The following DSG1 variants were observed in gnomAD, a reference collection of about 807,000 sequenced individuals.
The protein encoded by DSG1 is desmoglein 1.
A neutral mutation model predicts 97.5 loss-of-function variants in DSG1; 39 were observed. The ratio of observed to expected loss-of-function variants is 0.40; its 90% CI spans 0.31 to 0.52. The LOEUF (loss-of-function observed/expected upper bound fraction) is 0.52. DSG1 is among the 20% of genes least tolerant of loss of function. The pLI is 0.53. For synonymous variants in DSG1, 475 were observed against 443.4 expected (o/e 1.07, Z -0.90); for missense variants, 1,311 against 1,295.4 (o/e 1.01, Z -0.18).
intron 14 of DSG1, among the ~76,000 whole-genome samples, chr18:31,352,408 T>C (rs1438333796): frequency 8.6e-5 from 13 of 150,646 alleles, no homozygotes; most frequent in Admixed American, 8.5e-4. Context: ...TAACATTTTT[T>C]CCTTCATTTC....
intron 1 of DSG1, among the ~76,000 whole-genome samples, chr18:31,318,591 T>C (rs976166220): frequency 6.6e-6 from 1 of 152,190 alleles, no homozygotes; most frequent in Non-Finnish European, 1.5e-5. Flanking sequence ...AAGTCATTGC[T>C]AAGTCATGCT....
rs747026912 is a variant in DSG1 at position 31,354,419 on chromosome 18, A to G, written c.2223A>G (p.Glu741=). ...GSVGCCSFIG[E]DLDDSFLDTL... is the part of the protein sequence containing the mutation. ...TGGGTTGTTGTAGCTTCATTGGAGA[A>G]GACCTGGATGACAGCTTCTTGGATA... Residue 741 remains glutamate, a synonymous_variant, in exon 15 of 15, where the codon GAA becomes GAG. Transcript: ENST00000257192. 2.5e-6 allele frequency: 4 copies of G among 1,614,204 alleles called. No homozygotes were observed. Among genetic ancestry groups the G allele is most frequent in the Non-Finnish European group, 3.4e-6 (4 of 1,180,032 alleles).
chr18:31,356,167 AG>A lies in DSG1; in HGVS notation c.*822del, dbSNP rs1317721620. ...CCTTTACCACTGTGGTTTTGACTTA[AG>A]AAAGCAAAACTCACTAAGTTTACTT... On this transcript the variant is annotated 3_prime_UTR_variant, in exon 15 of 15. Coordinates refer to ENST00000257192, the MANE Select transcript of DSG1 (RefSeq NM_001942.4). 7 of 152,124 alleles carry A rather than the reference AG, an allele frequency of 4.6e-5. No homozygotes were observed. Among genetic ancestry groups the A allele is most frequent in the African/African-American group, 1.7e-4 (7 of 41,432 alleles). 9.4% of individuals were successfully genotyped at this position (152,124 alleles called of 1,614,324 possible).
Position 31,345,972 on chromosome 18 carries a change from T to C in DSG1, c.1892-18T>C. The C allele has an allele frequency of 6.2e-7, 1 of 1,604,246 alleles. No homozygotes were observed. Among genetic ancestry groups the C allele is most frequent in the Non-Finnish European group, 8.5e-7 (1 of 1,172,162 alleles). On this transcript the variant is annotated intron_variant, in intron 13 of 14. Coordinates refer to ENST00000257192, the MANE Select transcript of DSG1 (RefSeq NM_001942.4). ...GATAGACTAAAGAAAATAAATTTAATTTGATCAACACTTTTAGGAGTTTAT... is the reference window on the plus strand; with the variant it reads ...GATAGACTAAAGAAAATAAATTTAACTTGATCAACACTTTTAGGAGTTTAT...
Position 31,329,919 on chromosome 18 carries a change from G to A in DSG1, c.400G>A (p.Gly134Ser). 1 of 1,613,100 alleles carries A rather than the reference G, an allele frequency of 6.2e-7. No individual in the cohort carries two copies. Among genetic ancestry groups the A allele is most frequent in the East Asian group, 2.2e-5 (1 of 44,858 alleles). ...CTACTGCCGAGCTCTGAACTCAATG[G>A]GCCAAGATTTAGAGAGGCCTCTAGA... ...IIYCRALNSM[G>S]QDLERPLELR... The change falls in exon 5 of 15, where the codon GGC becomes AGC. Residue 134 changes from glycine (G) to serine (S), a missense_variant. This residue lies in a region of DSG1 where 259 missense variants were observed against 304.1 expected (regional missense o/e 0.85). Transcript: ENST00000257192.
Position 31,328,787 on chromosome 18 carries a change from T to C in DSG1, c.372+443T>C, listed in dbSNP as rs761687868. ...AGGTCTAATGACAAGTAAATGATTC[T>C]AGAGCTACTGCAGGACTGTTTTCTG... On this transcript the variant is annotated intron_variant, in intron 4 of 14. Coordinates refer to ENST00000257192, the MANE Select transcript of DSG1 (RefSeq NM_001942.4). 7.9e-5 allele frequency among the ~76,000 whole-genome samples: 12 copies of C among 152,240 alleles called. No individual in the cohort carries two copies. The South Asian group carries it at 1.2e-3, about 16-fold the overall frequency.
chr18:31,321,012 A>G (rs960023489), intron 1 of DSG1, among the ~76,000 whole-genome samples: 2 of 152,142 alleles, frequency 1.3e-5, no homozygotes, highest in Admixed American at 6.6e-5. Context: ...AATGACTTTT[A>G]TCTATGACCA....
At chr18:31,319,150 G>A (rs1251700974) in intron 1 of DSG1, among the ~76,000 whole-genome samples, 1 of 152,162 alleles carries the variant, frequency 6.6e-6, no homozygotes, top group Admixed American at 6.5e-5. Context: ...TTGCTGTAGA[G>A]ATAATACTAA....
At chr18:31,350,229 G>C (rs1214507345) in intron 14 of DSG1, among the ~76,000 whole-genome samples, 1 of 134,010 alleles carries the variant, frequency 7.5e-6, no homozygotes, top group African/African-American at 3.0e-5. Flanking sequence ...AGATAATCAT[G>C]TGGTTTTTGT....
At chr18:31,333,811 A>G in intron 7 of DSG1, 88 bp downstream of exon 7, 1 of 1,506,078 alleles carries the variant, frequency 6.6e-7, no homozygotes, top group South Asian at 1.1e-5. Context: ...GGCACATGTT[A>G]TGTTTATTGA....
At chr18:31,322,210 C>T (rs2071658342) in intron 1 of DSG1, among the ~76,000 whole-genome samples, 1 of 152,196 alleles carries the variant, frequency 6.6e-6, no homozygotes, top group Non-Finnish European at 1.5e-5. Context: ...GGTTCTGTGT[C>T]TGATTTGCCT....
At position 31,333,658 on chromosome 18, in the gene DSG1, G is replaced by A. The variant is rs2071734138; in HGVS notation, c.754G>A (p.Glu252Lys). 1.2e-6 allele frequency: 2 copies of A among 1,613,922 alleles called. No individual in the cohort carries two copies. The highest frequency in any genetic ancestry group is 2.2e-5 in the East Asian group (1 of 44,874). Residue 252 changes from glutamate (E) to lysine (K), a missense_variant, in exon 7 of 15, where the codon GAA becomes AAA. By Grantham distance (56) the Glu-to-Lys change is moderately conservative. This residue lies in a region of DSG1 where 14 missense variants were observed against 26.7 expected (regional missense o/e 0.52). Coordinates refer to ENST00000257192, the MANE Select transcript of DSG1 (RefSeq NM_001942.4). ...TGGCGGGGCAGATGGCATGTCAGCG[G>A]AATGTGAGTGCAACATTAAAATCCT... is the stretch of plus-strand genomic sequence containing the variant. ...RDGGADGMSA[E>K]CECNIKILDV...
chr18:31,331,727 A>G lies in DSG1; in HGVS notation c.544A>G (p.Thr182Ala), dbSNP rs763320707. The G allele has an allele frequency of 6.2e-7, 1 of 1,612,750 alleles. No homozygotes were observed. The highest frequency in any genetic ancestry group is 8.5e-7 in the Non-Finnish European group (1 of 1,179,098). Residue 182 changes from threonine to alanine, a missense_variant, in exon 6 of 15, where the codon ACT becomes GCT. Transcript: ENST00000257192. ...TACACTGGTGATGATACTCAATGCT[A>G]CTGACGCAGATGAACCGAACAATTT... Reference protein sequence around the residue: ...ANTLVMILNATDADEPNNLNS... With the variant: ...ANTLVMILNAADADEPNNLNS...
At chr18:31,324,045 G>T (rs143674791) in intron 1 of DSG1, among the ~76,000 whole-genome samples, 1,450 of 124,090 alleles carry the variant, frequency 0.012, 9 homozygotes, top group Middle Eastern at 0.02. Flanking sequence ...GTGCAGTGGT[G>T]CAATCTCGGC....
chr18:31,347,660 T>C (rs2071851890), intron 14 of DSG1: 1 of 152,238 alleles, frequency 6.6e-6, no homozygotes, highest in Non-Finnish European at 1.5e-5. Context: ...AGTGTATATG[T>C]CTTTGGGCTT....
chr18:31,355,354 C>T lies in DSG1; in HGVS notation c.*8C>T. 1.9e-6 allele frequency: 3 copies of T among 1,613,226 alleles called. No individual in the cohort carries two copies. Among genetic ancestry groups the T allele is most frequent in the East Asian group, 2.2e-5 (1 of 44,856 alleles). On this transcript the variant is annotated 3_prime_UTR_variant, in exon 15 of 15. Transcript: ENST00000257192. ...GTGCAATATAGCAAGTAGTCAGGAC[C>T]CCAGCTCACTTTTTCATAGTCATTG...
Position 31,318,242 on chromosome 18 carries a change from A to C in DSG1, c.-59A>C. 1.4e-6 allele frequency: 2 copies of C among 1,444,252 alleles called. No homozygotes were observed. Among genetic ancestry groups the C allele is most frequent in the African/African-American group, 2.8e-5 (2 of 71,604 alleles). 89.5% of individuals were successfully genotyped at this position (1,444,252 alleles called of 1,614,324 possible). On this transcript the variant is annotated 5_prime_UTR_variant, in exon 1 of 15. Transcript: ENST00000257192. Reference sequence around the variant, plus strand: ...CACCAGCTGAGTGGGAGAAAGAAAAAGAACAGAGAAGAACAAACAAAACTC... The same window carrying C: ...CACCAGCTGAGTGGGAGAAAGAAAACGAACAGAGAAGAACAAACAAAACTC...
rs772007123 is a variant in DSG1 at position 31,356,316 on chromosome 18, C to T, written c.*970C>T. On this transcript the variant is annotated 3_prime_UTR_variant, in exon 15 of 15. Coordinates refer to ENST00000257192, the MANE Select transcript of DSG1 (RefSeq NM_001942.4). ...TTGTTTTTAGTAGGTGATATTCATT[C>T]GTATCCAGCTCTTTATTACATAGCT... The T allele has an allele frequency of 2.6e-5, 4 of 151,984 alleles. No individual in the cohort carries two copies. Among genetic ancestry groups the T allele is most frequent in the Non-Finnish European group, 5.9e-5 (4 of 67,994 alleles). 9.4% of individuals were successfully genotyped at this position (151,984 alleles called of 1,614,324 possible).
intron 1 of DSG1, among the ~76,000 whole-genome samples, chr18:31,323,293 C>T (rs1187467528): frequency 6.6e-6 from 1 of 152,184 alleles, no homozygotes; most frequent in Non-Finnish European, 1.5e-5. Context: ...AAAATAACCT[C>T]ACCCTTACTC....
Sources: gnomAD v4.1 joint callset for allele counts (sites outside exome capture counted in the v4.1 genomes callset) on GRCh38, gnomAD v4.1.1 for gene constraint, gnomAD v4.1.1 regional missense constraint, MANE v1.5 for transcripts, NCBI Gene and HGNC (gene_info 2026-07-23, HGNC 2026-07-21) for gene names.